Variants in PDZRN4 observed in about 807,000 individuals in gnomAD.
PDZRN4 encodes the protein PDZ domain-containing RING finger protein 4.
Under a neutral mutation model 99.0 loss-of-function variants are expected in PDZRN4, and 70 were observed. The ratio of observed to expected loss-of-function variants is 0.71; its 90% CI spans 0.58 to 0.86. The LOEUF is 0.86. Ranked by LOEUF, PDZRN4 falls within the 40% of genes least tolerant of loss-of-function variation. The pLI is 0.00. For missense variants in PDZRN4, 1,474 were observed against 1,331.2 expected (o/e 1.11, Z -1.67); for synonymous variants, 551 against 501.6 (o/e 1.10, Z -1.32).
In PDZRN4 at chr12:41,314,443, T is replaced by C. The variant is rs1592008387; in HGVS notation, c.843+120255T>C. Among the ~76,000 whole-genome samples the C allele has an allele frequency of 2.6e-5, 4 of 152,152 alleles. No individual in the cohort carries two copies. The East Asian group carries it at 7.7e-4, about 29-fold the overall frequency. On this transcript the variant is annotated intron_variant, in intron 3 of 9. Coordinates refer to ENST00000402685, the MANE Select transcript of PDZRN4 (RefSeq NM_001164595.2). Reference sequence around the variant, plus strand: ...AGAACAAAGACTTTGAAAATTACAATACACTGTAAGTAGTACAATTTACAG... The same window carrying C: ...AGAACAAAGACTTTGAAAATTACAACACACTGTAAGTAGTACAATTTACAG...
chr12:41,316,219 G>A (rs1951636831), intron 3 of PDZRN4, among the ~76,000 whole-genome samples: 2 of 151,840 alleles, frequency 1.3e-5, no homozygotes, highest in African/African-American at 2.4e-5. Context: ...TATTTTTCAT[G>A]TATTGACCCC....
At chr12:41,431,796 A>C (rs1952588368) in intron 3 of PDZRN4, among the ~76,000 whole-genome samples, 1 of 152,224 alleles carries the variant, frequency 6.6e-6, no homozygotes, top group African/African-American at 2.4e-5. Flanking sequence ...TGAGGAAAGG[A>C]TGCTTGCTTA....
intron 3 of PDZRN4, among the ~76,000 whole-genome samples, chr12:41,274,768 G>T (rs1951339100): frequency 1.3e-5 from 2 of 152,110 alleles, no homozygotes; most frequent in Non-Finnish European, 2.9e-5. Flanking sequence ...ACTTTGCCTG[G>T]TGTGTTCATG....
intron 6 of PDZRN4, 88 bp from the exon 7 acceptor site, chr12:41,555,610 T>A (rs920702040): frequency 9.7e-7 from 1 of 1,026,150 alleles, no homozygotes; most frequent in African/African-American, 1.6e-5. Context: ...TGAAACAGCT[T>A]TTTCAAAATA....
chr12:41,312,623 G>A (rs1352711789), intron 3 of PDZRN4, among the ~76,000 whole-genome samples: 1 of 152,152 alleles, frequency 6.6e-6, no homozygotes. Context: ...TAACATAGCA[G>A]CAAGCAAGAG....
At chr12:41,571,376 T>TCACACACACACACA (rs147910134) in intron 9 of PDZRN4, among the ~76,000 whole-genome samples, 6 of 65,514 alleles carry the variant, frequency 9.2e-5, no homozygotes, top group African/African-American at 3.0e-4. Context: ...TCTCTCTCTC[T>TCACACACACACACA]CACACACACA....
At chr12:41,310,255 TTTG>T (rs574028760) in intron 3 of PDZRN4, among the ~76,000 whole-genome samples, 223 of 64,692 alleles carry the variant, frequency 3.4e-3, no homozygotes, top group African/African-American at 8.9e-3. Flanking sequence ...TTCATTTTTG[TTTG>T]TGTGTGTGTG....
chr12:41,194,095 A>T lies in PDZRN4; in HGVS notation c.750A>T (p.Gly250=). Residue 250 remains glycine, a synonymous_variant, in exon 3 of 10, where the codon GGA becomes GGT. Coordinates refer to ENST00000402685, the MANE Select transcript of PDZRN4 (RefSeq NM_001164595.2). The part of the protein sequence containing the change: ...GGRPNQNNQE[G]TSTEGIYVSK... ...TTTAAAAATAGAATAATCAGGAAGGAACATCGACTGAAGGAATTTACGTTT... is the reference window on the plus strand; with the variant it reads ...TTTAAAAATAGAATAATCAGGAAGGTACATCGACTGAAGGAATTTACGTTT... The T allele has an allele frequency of 6.7e-7, 1 of 1,492,438 alleles. No homozygotes were observed. The allele number at this position is 1,492,438 out of a possible 1,614,324, so 92.4% of individuals were successfully genotyped here. A position where few individuals can be genotyped will look rare whatever the true frequency, so the allele number is the denominator to read the frequency against.
At chr12:41,383,100 A>T (rs1952138939) in intron 3 of PDZRN4, among the ~76,000 whole-genome samples, 1 of 152,198 alleles carries the variant, frequency 6.6e-6, no homozygotes, top group Non-Finnish European at 1.5e-5. Context: ...TGACTGTTCA[A>T]CACCTGATTA....
At chr12:41,285,397 A>G (rs1432827556) in intron 3 of PDZRN4, among the ~76,000 whole-genome samples, 2 of 152,188 alleles carry the variant, frequency 1.3e-5, no homozygotes, top group Non-Finnish European at 2.9e-5. Context: ...ACACTTTTAC[A>G]CTGTTGACGA....
intron 3 of PDZRN4, among the ~76,000 whole-genome samples, chr12:41,353,700 C>T (rs1262942165): frequency 1.3e-5 from 2 of 152,078 alleles, no homozygotes; most frequent in African/African-American, 2.4e-5. Context: ...CAGGGGCTGC[C>T]TGGCCTCTCT....
intron 5 of PDZRN4, among the ~76,000 whole-genome samples, chr12:41,514,541 A>G (rs1938366186): frequency 6.6e-6 from 1 of 152,020 alleles, no homozygotes; most frequent in Non-Finnish European, 1.5e-5. Context: ...GCATGTATAG[A>G]GCTATATGGA....
chr12:41,484,254 G>A (rs565214318), intron 3 of PDZRN4, among the ~76,000 whole-genome samples: 3 of 152,160 alleles, frequency 2.0e-5, no homozygotes, highest in Non-Finnish European at 4.4e-5. Context: ...AGAGATCAAA[G>A]TAAATCTATG....
intron 5 of PDZRN4, among the ~76,000 whole-genome samples, chr12:41,530,879 G>A (rs1006220924): frequency 1.3e-5 from 2 of 152,028 alleles, no homozygotes; most frequent in Non-Finnish European, 2.9e-5. Flanking sequence ...TGTCCTTCTG[G>A]CAGAGAGTGC....
At chr12:41,544,606 A>G (rs1431683787) in intron 5 of PDZRN4, among the ~76,000 whole-genome samples, 2 of 152,180 alleles carry the variant, frequency 1.3e-5, no homozygotes, top group Non-Finnish European at 2.9e-5. Flanking sequence ...TTAGAGAACA[A>G]TAAACAGGTA....
intron 3 of PDZRN4, among the ~76,000 whole-genome samples, chr12:41,467,493 C>T (rs768293845): frequency 5.9e-5 from 9 of 152,046 alleles, no homozygotes; most frequent in African/African-American, 1.2e-4. Flanking sequence ...AGAAAAAACA[C>T]GAAAGGAGGT....
chr12:41,203,354 A>T (rs1417198118), intron 3 of PDZRN4, among the ~76,000 whole-genome samples: 1 of 151,990 alleles, frequency 6.6e-6, no homozygotes, highest in African/African-American at 2.4e-5. Context: ...ATGGTACTTG[A>T]AAGGACTCTT....
chr12:41,572,639 A>G lies in PDZRN4; in HGVS notation c.1860A>G (p.Pro620=). The change falls in exon 10 of 10, where the codon CCA becomes CCG. Residue 620 remains proline (P), a synonymous_variant. Coordinates refer to ENST00000402685, the MANE Select transcript of PDZRN4 (RefSeq NM_001164595.2). ...EYIDSDCIGN[P]DEDCERFRQL... ...TTGACTCAGACTGCATTGGCAACCCAGATGAGGACTGTGAAAGATTCAGGC... is the reference window on the plus strand; with the variant it reads ...TTGACTCAGACTGCATTGGCAACCCGGATGAGGACTGTGAAAGATTCAGGC... 1 of 1,614,204 alleles carries G rather than the reference A, an allele frequency of 6.2e-7. No individual in the cohort carries two copies. Among genetic ancestry groups the G allele is most frequent in the African/African-American group, 1.3e-5 (1 of 75,068 alleles).
chr12:41,363,826 G>T (rs1029065856), intron 3 of PDZRN4, among the ~76,000 whole-genome samples: 1 of 152,050 alleles, frequency 6.6e-6, no homozygotes, highest in African/African-American at 2.4e-5. Flanking sequence ...AGAAAATGAC[G>T]ACTACCTTCC....
Sources: allele counts gnomAD v4.1 joint callset (sites outside exome capture counted in the v4.1 genomes callset), GRCh38; gene constraint gnomAD v4.1.1; transcripts MANE v1.5; gene names NCBI Gene and HGNC (gene_info 2026-07-23, HGNC 2026-07-21).